Variants in SMAD2 observed in about 807,000 individuals in gnomAD.
SMAD2 encodes the protein MAD homolog 2.
In SMAD2, 8 loss-of-function variants were observed where a neutral mutation model predicts 64.4. The observed-to-expected ratio is 0.12, with a 90% CI of 0.07 to 0.22. The LOEUF (loss-of-function observed/expected upper bound fraction) is 0.22. SMAD2 is among the 10% of genes least tolerant of loss of function. The pLI is 1.00. For synonymous variants in SMAD2, 203 were observed against 195.8 expected (o/e 1.04, Z -0.31); for missense variants, 289 against 561.2 (o/e 0.51, Z 4.90).
At chr18:47,902,202 T>C (rs542432284) in intron 1 of SMAD2, among the ~76,000 whole-genome samples, 1 of 152,264 alleles carries the variant, frequency 6.6e-6, no homozygotes, top group East Asian at 1.9e-4. Context: ...AAAACAATGA[T>C]CAGCTGCAGA....
At chr18:47,927,524 T>TA (rs1568124213) in intron 1 of SMAD2, among the ~76,000 whole-genome samples, 2 of 152,254 alleles carry the variant, frequency 1.3e-5, no homozygotes, top group East Asian at 1.9e-4. Context: ...TGTTTGCTGT[T>TA]AAGAGACTTT....
chr18:47,861,191 A>C (rs552551150), intron 6 of SMAD2, among the ~76,000 whole-genome samples: 22 of 152,244 alleles, frequency 1.4e-4, no homozygotes, highest in Admixed American at 1.3e-3. Flanking sequence ...CTCCGTCTCT[A>C]CTAAAATACG....
intron 10 of SMAD2, 190 bp downstream of exon 10, chr18:47,845,150 T>C (rs1386958917): frequency 7.5e-6 from 5 of 665,784 alleles, no homozygotes; most frequent in Non-Finnish European, 1.1e-5. Flanking sequence ...TGTTTTAATA[T>C]CTTCCATAAT....
At chr18:47,887,841 T>C (rs1194747888) in intron 2 of SMAD2, among the ~76,000 whole-genome samples, 1 of 152,162 alleles carries the variant, frequency 6.6e-6, no homozygotes, top group Admixed American at 6.5e-5. Flanking sequence ...GTCCTTCAAA[T>C]TGGATTAACA....
At chr18:47,844,174 G>A (rs1261352826) in intron 10 of SMAD2, among the ~76,000 whole-genome samples, 3 of 152,070 alleles carry the variant, frequency 2.0e-5, no homozygotes, top group Non-Finnish European at 2.9e-5. Context: ...ATAGTGACAA[G>A]TCTTCATTCT....
intron 1 of SMAD2, among the ~76,000 whole-genome samples, chr18:47,926,349 T>C (rs890322045): frequency 4.6e-5 from 7 of 152,206 alleles, no homozygotes; most frequent in African/African-American, 1.7e-4. Flanking sequence ...TTGATGAACA[T>C]TCATTACTAT....
In SMAD2 at chr18:47,835,531, T is replaced by C. The variant is rs943900573; in HGVS notation, c.*6296A>G. On this transcript the variant is annotated 3_prime_UTR_variant, in exon 11 of 11. Transcript: ENST00000262160. ...CTTACTGAGAAAAGAAAAAACTTAC[T>C]GGGAGAACAGAGACTTAGTAAAATT... The C allele has an allele frequency of 1.5e-5, 3 of 193,668 alleles. No homozygotes were observed. In the East Asian group the frequency reaches 2.4e-4, roughly 16 times the overall value. 12.0% of individuals were successfully genotyped at this position (193,668 alleles called of 1,614,324 possible).
intron 9 of SMAD2, 58 bp from the exon 10 acceptor site, chr18:47,845,542 T>G: frequency 6.3e-7 from 1 of 1,587,448 alleles, no homozygotes; most frequent in Admixed American, 1.7e-5. Context: ...AAAAAGTAAT[T>G]TTAAAAGGGT....
chr18:47,842,563 G>A (rs1157182060), intron 10 of SMAD2, among the ~76,000 whole-genome samples: 2 of 151,990 alleles, frequency 1.3e-5, no homozygotes, highest in South Asian at 4.2e-4. Context: ...AAAAAAATCA[G>A]GCCAAAAGGA....
At chr18:47,850,254 ATTATG>A (rs1465660507) in intron 7 of SMAD2, among the ~76,000 whole-genome samples, 1 of 82,480 alleles carries the variant, frequency 1.2e-5, no homozygotes, top group African/African-American at 5.6e-5. Context: ...TATTATATAT[ATTATG>A]TATAATATAT....
At chr18:47,871,254 AG>A (rs2031915419) in intron 2 of SMAD2, among the ~76,000 whole-genome samples, 1 of 152,122 alleles carries the variant, frequency 6.6e-6, no homozygotes, top group African/African-American at 2.4e-5. Flanking sequence ...CTTAAAAGGA[AG>A]TTTTGGAATG....
At chr18:47,876,540 G>A (rs1406598024) in intron 2 of SMAD2, among the ~76,000 whole-genome samples, 6 of 151,982 alleles carry the variant, frequency 3.9e-5, no homozygotes, top group African/African-American at 1.4e-4. Context: ...AAAAAGAGGT[G>A]GGGAGGAGAG....
intron 7 of SMAD2, among the ~76,000 whole-genome samples, chr18:47,850,937 G>A (rs2029996333): frequency 7.8e-6 from 1 of 128,456 alleles, no homozygotes; most frequent in Non-Finnish European, 1.6e-5. Flanking sequence ...GTGTATATAT[G>A]TAATACACAT....
intron 1 of SMAD2, among the ~76,000 whole-genome samples, chr18:47,914,657 G>A (rs1445113277): frequency 2.4e-5 from 3 of 123,364 alleles, no homozygotes; most frequent in Non-Finnish European, 3.5e-5. Context: ...CACTTCTGTC[G>A]CATAACAAAT....
chr18:47,848,341 A>C, intron 8 of SMAD2, 134 bp downstream of exon 8: 1 of 712,244 alleles, frequency 1.4e-6, no homozygotes, highest in Middle Eastern at 3.7e-4. Context: ...TGTGCACTTA[A>C]ATGTGTCGGC....
At chr18:47,929,894 G>A (rs1239539639) in intron 1 of SMAD2, among the ~76,000 whole-genome samples, 2 of 152,086 alleles carry the variant, frequency 1.3e-5, no homozygotes, top group African/African-American at 2.4e-5. Flanking sequence ...GTGAGTGAAG[G>A]ATGATCACAG....
intron 1 of SMAD2, among the ~76,000 whole-genome samples, chr18:47,904,285 G>T (rs1223150375): frequency 1.3e-5 from 2 of 150,226 alleles, no homozygotes; most frequent in Non-Finnish European, 3.0e-5. Flanking sequence ...GGGAGAGGCA[G>T]GAAAGTCTAC....
In SMAD2 at chr18:47,879,369, TG is replaced by T. The variant is rs1391531455; in HGVS notation, c.237-8806del. Among the ~76,000 whole-genome samples the T allele has an allele frequency of 8.5e-5, 13 of 152,300 alleles. No individual in the cohort carries two copies. In the East Asian group the frequency reaches 2.3e-3, roughly 27 times the overall value. On this transcript the variant is annotated intron_variant, in intron 2 of 10. Transcript: ENST00000262160. ...TCATCCCCAGAGGCAACCACTAATC[TG>T]ATCTTTTCACCATAGGTGTCGTGTC...
chr18:47,918,672 A>C (rs930998343), intron 1 of SMAD2, among the ~76,000 whole-genome samples: 1 of 152,264 alleles, frequency 6.6e-6, no homozygotes, highest in Non-Finnish European at 1.5e-5. Context: ...AAGACTGAGC[A>C]ACCCTGAAGA....
Sources: allele counts gnomAD v4.1 joint callset (sites outside exome capture counted in the v4.1 genomes callset), GRCh38; gene constraint gnomAD v4.1.1; transcripts MANE v1.5; gene names NCBI Gene and HGNC (gene_info 2026-07-23, HGNC 2026-07-21).